Variants in HPSE2 observed in about 807,000 individuals in gnomAD.
The protein encoded by HPSE2 is heparanase 2 (inactive).
In HPSE2, 38 loss-of-function variants were observed where a neutral mutation model predicts 60.5. The observed-to-expected ratio is 0.63, with a 90% CI of 0.48 to 0.82. The LOEUF (loss-of-function observed/expected upper bound fraction) is 0.82, where lower values mean the gene tolerates loss of function less well. HPSE2 is among the 40% of genes least tolerant of loss of function. The probability of loss-of-function intolerance (pLI) is 0.00; values close to 1 mark genes in which losing one functional copy is unlikely to be tolerated. For missense variants in HPSE2, 713 were observed against 740.4 expected, an observed-to-expected ratio of 0.96 and a Z score of 0.43; for synonymous variants, 295 against 293.2, an observed-to-expected ratio of 1.01 and a Z score of -0.06.
intron 9 of HPSE2, among the ~76,000 whole-genome samples, chr10:98,529,731 CCTTT>C (rs1189829770): frequency 6.6e-6 from 1 of 152,220 alleles, no homozygotes; most frequent in Non-Finnish European, 1.5e-5. Context: ...TGGAAGCTCT[CCTTT>C]CTTATTACCA....
intron 9 of HPSE2, among the ~76,000 whole-genome samples, chr10:98,513,269 T>A (rs1942482727): frequency 6.6e-6 from 1 of 152,070 alleles, no homozygotes; most frequent in Non-Finnish European, 1.5e-5. Flanking sequence ...TTGAAAAAAA[T>A]TACAGAATTT....
the HPSE2 span, among the ~76,000 whole-genome samples, chr10:99,262,174 C>T: frequency 6.6e-6 from 1 of 152,170 alleles, no homozygotes; most frequent in African/African-American, 2.4e-5. Flanking sequence ...GGAGGCTACC[C>T]ACTCCACATT....
chr10:98,986,078 A>G (rs1956339986), intron 3 of HPSE2, among the ~76,000 whole-genome samples: 1 of 152,200 alleles, frequency 6.6e-6, no homozygotes. Flanking sequence ...CACTAGACAG[A>G]TCAACGAGAC....
At chr10:98,758,803 A>G (rs894068979) in intron 3 of HPSE2, among the ~76,000 whole-genome samples, 2 of 152,180 alleles carry the variant, frequency 1.3e-5, no homozygotes, top group Non-Finnish European at 2.9e-5. Context: ...TCAAAACAGA[A>G]CTAGAACTTG....
the HPSE2 span, among the ~76,000 whole-genome samples, chr10:99,303,105 T>TCCTTAG: frequency 6.4e-3 from 974 of 152,212 alleles, 6 homozygotes; most frequent in South Asian, 0.016. Flanking sequence ...CCAGCAGGTT[T>TCCTTAG]CCTTAGCCTT....
intron 3 of HPSE2, among the ~76,000 whole-genome samples, chr10:99,102,249 A>C (rs1182321541): frequency 1.3e-5 from 2 of 152,194 alleles, no homozygotes; most frequent in Non-Finnish European, 2.9e-5. Context: ...ACTAATAAAG[A>C]AGAAAAGAGA....
At chr10:98,832,642 G>C (rs1028653944) in intron 3 of HPSE2, among the ~76,000 whole-genome samples, 5 of 152,150 alleles carry the variant, frequency 3.3e-5, no homozygotes, top group African/African-American at 1.2e-4. Flanking sequence ...CGTGGGAAAG[G>C]ATTTAGATAA....
At chr10:98,906,868 C>T (rs546294974) in intron 3 of HPSE2, among the ~76,000 whole-genome samples, 19 of 150,934 alleles carry the variant, frequency 1.3e-4, no homozygotes, top group African/African-American at 4.6e-4. Context: ...TGTGCCACTG[C>T]ACTCCAGCCT....
chr10:98,476,576 G>T (rs997101354), intron 11 of HPSE2, among the ~76,000 whole-genome samples: 1 of 152,122 alleles, frequency 6.6e-6, no homozygotes, highest in African/African-American at 2.4e-5. Flanking sequence ...GATCACCTGA[G>T]GTCAGGAGTT....
chr10:98,520,735 G>A (rs11594030), intron 9 of HPSE2, among the ~76,000 whole-genome samples: 48,261 of 152,118 alleles, frequency 0.32, 7,825 homozygotes, highest in East Asian at 0.41. Context: ...AGGCATAAGT[G>A]TAGAAATACG....
intron 3 of HPSE2, among the ~76,000 whole-genome samples, chr10:99,035,963 G>C (rs1456625182): frequency 6.6e-6 from 1 of 152,156 alleles, no homozygotes; most frequent in Non-Finnish European, 1.5e-5. Context: ...TGTAATCCCA[G>C]CACATTGGAA....
chr10:98,999,827 C>G (rs1191850518), intron 3 of HPSE2, among the ~76,000 whole-genome samples: 1 of 152,132 alleles, frequency 6.6e-6, no homozygotes, highest in Admixed American at 6.5e-5. Context: ...TACCATTAAG[C>G]TTAACAGTGT....
Position 99,232,450 on chromosome 10 carries a change from C to G in HPSE2, c.346G>C (p.Gly116Arg). 1.3e-6 allele frequency: 2 copies of G among 1,558,870 alleles called. No homozygotes were observed. Among genetic ancestry groups the G allele is most frequent in the Non-Finnish European group, 1.7e-6 (2 of 1,151,070 alleles). Residue 116 changes from glycine (G) to arginine (R), a missense_variant, in exon 2 of 12, where the codon GGG (glycine) becomes CGG (arginine). Physicochemically the swap from Gly to Arg is moderately radical, Grantham distance 125. Coordinates refer to ENST00000370552, the MANE Select transcript of HPSE2 (RefSeq NM_021828.5). ...RGLSPAFLRF[G>R]GKRTDFLQFQ... is the part of the protein sequence containing the mutation. ...TGCAGGAAGTCGGTCCTTTTGCCCC[C>G]GAAGCGCAGAAAGGCGGGCGAAAGT...
intron 3 of HPSE2, among the ~76,000 whole-genome samples, chr10:98,752,010 A>G (rs554676309): frequency 6.6e-6 from 1 of 152,348 alleles, no homozygotes; most frequent in African/African-American, 2.4e-5. Context: ...CTTTTTAAAC[A>G]CAATTCTCAA....
At chr10:99,048,024 C>T (rs913416057) in intron 3 of HPSE2, 8 of 688,154 alleles carry the variant, frequency 1.2e-5, no homozygotes, top group Non-Finnish European at 2.1e-5. Flanking sequence ...AACAAGGCTG[C>T]AATTAATATG....
intron 9 of HPSE2, among the ~76,000 whole-genome samples, chr10:98,520,662 C>T (rs757521952): frequency 6.6e-6 from 1 of 152,048 alleles, no homozygotes; most frequent in Admixed American, 6.6e-5. Flanking sequence ...TTAGGATTTA[C>T]GTGATTAAAA....
chr10:99,046,230 C>A (rs1281921180), intron 3 of HPSE2, among the ~76,000 whole-genome samples: 4 of 152,016 alleles, frequency 2.6e-5, no homozygotes, highest in African/African-American at 9.7e-5. Flanking sequence ...AAAGCAAAAA[C>A]CATATGATTA....
At chr10:98,531,366 G>A (rs1247906127) in intron 9 of HPSE2, among the ~76,000 whole-genome samples, 4 of 152,140 alleles carry the variant, frequency 2.6e-5, no homozygotes, top group African/African-American at 9.7e-5. Flanking sequence ...CCTTTCCGAT[G>A]GGAAAACAGC....
At chr10:98,528,857 T>A (rs1189409555) in intron 9 of HPSE2, among the ~76,000 whole-genome samples, 1 of 152,232 alleles carries the variant, frequency 6.6e-6, no homozygotes. Context: ...GAAAAAGCCA[T>A]ATAAATCTGA....
Sources: gnomAD v4.1 joint callset for allele counts (sites outside exome capture counted in the v4.1 genomes callset) on GRCh38, gnomAD v4.1.1 for gene constraint, MANE v1.5 for transcripts, NCBI Gene and HGNC (gene_info 2026-07-23, HGNC 2026-07-21) for gene names.